Variants in ACAD10 observed in about 807,000 individuals in gnomAD.
ACAD10 encodes ACAD-10.
Under a neutral mutation model 116.8 loss-of-function variants are expected in ACAD10, and 112 were observed. That is an observed-to-expected ratio of 0.96 (90% CI 0.82 to 1.12). The LOEUF (loss-of-function observed/expected upper bound fraction) is 1.12, where lower values mean the gene tolerates loss of function less well. Among genes scored for constraint, ACAD10 ranks in the 50% most tolerant of loss-of-function variants. The pLI, the probability that ACAD10 is intolerant of heterozygous loss-of-function variation, is 0.00. For synonymous variants in ACAD10, 486 were observed against 510.6 expected (o/e 0.95, Z 0.65); for missense variants, 1,259 against 1,350.2 (o/e 0.93, Z 1.06).
intron 7 of ACAD10, among the ~76,000 whole-genome samples, chr12:111,719,711 C>T (rs772836529): frequency 2.6e-5 from 4 of 152,046 alleles, no homozygotes; most frequent in Non-Finnish European, 4.4e-5. Flanking sequence ...AGGCACCATG[C>T]CCGGCTAATT....
intron 3 of ACAD10, 43 bp downstream of exon 3, chr12:111,702,353 C>T: frequency 1.2e-6 from 2 of 1,601,392 alleles, no homozygotes; most frequent in Non-Finnish European, 1.7e-6. Flanking sequence ...TTTCTTTTTG[C>T]CTTGAGTAGT....
intron 1 of ACAD10, among the ~76,000 whole-genome samples, chr12:111,692,107 T>G (rs553539423): frequency 6.6e-6 from 1 of 152,274 alleles, no homozygotes; most frequent in Admixed American, 6.5e-5. Flanking sequence ...TAGCTGGGAT[T>G]ACAGGCATGC....
At chr12:111,747,010 G>C in intron 14 of ACAD10, 39 bp from the exon 15 acceptor site, 1 of 1,536,020 alleles carries the variant, frequency 6.5e-7, no homozygotes, top group Non-Finnish European at 8.8e-7. Context: ...TTTTAGAAGA[G>C]GACATGACAG....
In ACAD10 at chr12:111,744,948, A is replaced by C. The variant is rs372199304; in HGVS notation, c.2020A>C (p.Met674Leu). ...RELYHRLKHF[M>L]EQRVYPAEPE... Reference sequence around the variant, plus strand: ...GCTGTATCACCGGCTGAAGCACTTCATGGAGCAACGTGTGTACCCTGCAGA... The same window carrying C: ...GCTGTATCACCGGCTGAAGCACTTCCTGGAGCAACGTGTGTACCCTGCAGA... Residue 674 changes from methionine (M) to leucine (L), a missense_variant, in exon 13 of 21, where the codon ATG (methionine) becomes CTG (leucine). Transcript: ENST00000313698. 6.2e-7 allele frequency: 1 copy of C among 1,614,120 alleles called. No homozygotes were observed. The highest frequency in any genetic ancestry group is 8.5e-7 in the Non-Finnish European group (1 of 1,180,032).
At position 111,746,202 on chromosome 12, in the gene ACAD10, A is replaced by T. The variant is rs1410312785; in HGVS notation, c.2174A>T (p.Glu725Val). ...TTCCTACCCTTAGAGGCTGATCCCG[A>T]GAAAAAATACGGAGCAGGACTGACC... ...NLFLPLEADP[E>V]KKYGAGLTNV... The change falls in exon 14 of 21, where the codon GAG becomes GTG. Residue 725 changes from glutamate to valine, a missense_variant. Physicochemically the swap from Glu to Val is moderately radical, Grantham distance 121. Transcript: ENST00000313698. 1 of 1,614,066 alleles carries T rather than the reference A, an allele frequency of 6.2e-7. No homozygotes were observed. Among genetic ancestry groups the T allele is most frequent in the Non-Finnish European group, 8.5e-7 (1 of 1,180,024 alleles).
intron 3 of ACAD10, among the ~76,000 whole-genome samples, chr12:111,704,149 A>AT (rs1295260472): frequency 2.9e-3 from 420 of 144,308 alleles, no homozygotes; most frequent in South Asian, 8.4e-3. Context: ...TTTTTTTTTA[A>AT]TTTTTTTTTT....
At chr12:111,720,632 A>G (rs1234205803) in intron 7 of ACAD10, among the ~76,000 whole-genome samples, 1 of 152,142 alleles carries the variant, frequency 6.6e-6, no homozygotes, top group Non-Finnish European at 1.5e-5. Context: ...TAGTGATTGC[A>G]TAATGCTTCC....
rs1888487761 is a variant in ACAD10, at chr12:111,705,873, A to G, written c.472A>G (p.Asn158Asp). 2.5e-6 allele frequency: 4 copies of G among 1,613,948 alleles called. No individual in the cohort carries two copies. In the African/African-American group the frequency reaches 4.0e-5, roughly 16 times the overall value. Residue 158 changes from asparagine (N) to aspartate (D), a missense_variant, in exon 4 of 21, where the codon AAT becomes GAT. Transcript: ENST00000313698. ...KGLQTAVLSN[N>D]FYLPNQKSFL... is the part of the protein sequence containing the mutation. ...TCTTCAGACTGCAGTCTTGAGCAAT[A>G]ATTTTTATCTTCCCAACCAGAAAAG...
intron 12 of ACAD10, among the ~76,000 whole-genome samples, chr12:111,737,414 G>C (rs1396549492): frequency 1.3e-5 from 2 of 151,934 alleles, no homozygotes; most frequent in Non-Finnish European, 2.9e-5. Flanking sequence ...CTCGAACTCC[G>C]GGCCTCAAGT....
At position 111,737,316 on chromosome 12, in the gene ACAD10, G is replaced by A. The variant is rs1889596730; in HGVS notation, c.1714+312G>A. 2.0e-5 allele frequency among the ~76,000 whole-genome samples: 3 copies of A among 152,212 alleles called. No individual in the cohort carries two copies. In the South Asian group the frequency reaches 6.2e-4, roughly 32 times the overall value. The stretch of plus-strand genomic sequence containing the variant: ...TCCTGCCTCAGCCTCCAGGGTAGCT[G>A]GGACTACAGGCCTGCGCCACCACGC... On this transcript the variant is annotated intron_variant, in intron 12 of 20. Coordinates refer to ENST00000313698, the MANE Select transcript of ACAD10 (RefSeq NM_025247.6).
At chr12:111,706,691 TCCAC>T (rs1888515028) in intron 4 of ACAD10, among the ~76,000 whole-genome samples, 1 of 151,058 alleles carries the variant, frequency 6.6e-6, no homozygotes, top group South Asian at 2.1e-4. Flanking sequence ...CCTCAAGTGA[TCCAC>T]CCACCTCAGC....
At chr12:111,753,517 C>T (rs1414168666) in intron 18 of ACAD10, 2 of 687,136 alleles carry the variant, frequency 2.9e-6, no homozygotes, top group Admixed American at 2.0e-5. Flanking sequence ...TTCTTGGAAG[C>T]AATTTGTTAC....
Position 111,753,820 on chromosome 12 carries a change from G to A in ACAD10, c.2866G>A (p.Val956Met), listed in dbSNP as rs751659068. The change falls in exon 19 of 21, where the codon GTG becomes ATG. Residue 956 changes from valine (V) to methionine (M), a missense_variant. By Grantham distance (21) the Val-to-Met change is conservative (BLOSUM62 1). Coordinates refer to ENST00000313698, the MANE Select transcript of ACAD10 (RefSeq NM_025247.6). The part of the protein sequence containing the change: ...FGKPLVEQGT[V>M]LADIAQSRVE... ...GAAGCCCCTGGTGGAGCAGGGCACA[G>A]TGCTGGCGGACATCGCGCAGTCGCG... 5 of 1,613,932 alleles carry A rather than the reference G, an allele frequency of 3.1e-6. No homozygotes were observed. The highest frequency in any genetic ancestry group is 4.2e-6 in the Non-Finnish European group (5 of 1,180,056).
At chr12:111,738,591 G>A (rs1480805746) in intron 12 of ACAD10, among the ~76,000 whole-genome samples, 1 of 152,150 alleles carries the variant, frequency 6.6e-6, no homozygotes, top group African/African-American at 2.4e-5. Context: ...TAGTAGCCGG[G>A]CATGGTGGCT....
Position 111,746,242 on chromosome 12 carries a change from A to C in ACAD10, c.2214A>C (p.Ala738=), listed in dbSNP as rs1889894595. ...YGAGLTNVEY[A]HLCELMGTSL... is the part of the protein sequence containing the mutation. ...CAGGACTGACCAATGTGGAATATGC[A>C]CATCTGTGTGAGCTCATGGGCACGT... is the stretch of plus-strand genomic sequence containing the variant. Residue 738 remains alanine (A), a synonymous_variant, in exon 14 of 21, where the codon GCA becomes GCC. Coordinates refer to ENST00000313698, the MANE Select transcript of ACAD10 (RefSeq NM_025247.6). 5.0e-6 allele frequency: 8 copies of C among 1,613,906 alleles called. No individual in the cohort carries two copies. The highest frequency in any genetic ancestry group is 6.8e-6 in the Non-Finnish European group (8 of 1,179,954).
In ACAD10 at chr12:111,747,062, C is replaced by G; in HGVS notation, c.2270C>G (p.Ser757Cys). 1.2e-6 allele frequency: 2 copies of G among 1,605,182 alleles called. No homozygotes were observed. Among genetic ancestry groups the G allele is most frequent in the Middle Eastern group, 1.7e-4 (1 of 6,012 alleles). The change falls in exon 15 of 21, where the codon TCT becomes TGT. Residue 757 changes from serine (S) to cysteine (C), a missense_variant. By Grantham distance (112) the Ser-to-Cys change is moderately radical (BLOSUM62 -1). Coordinates refer to ENST00000313698, the MANE Select transcript of ACAD10 (RefSeq NM_025247.6). ...TTTCCTTCTCAGGTATGTAACTGCTCTGCGCCTGACACGGGCAACATGGAG... is the reference window on the plus strand; with the variant it reads ...TTTCCTTCTCAGGTATGTAACTGCTGTGCGCCTGACACGGGCAACATGGAG... ...SLYAPEVCNC[S>C]APDTGNMELL...
intron 20 of ACAD10, chr12:111,756,123 C>G: frequency 7.0e-7 from 1 of 1,420,548 alleles, no homozygotes; most frequent in Non-Finnish European, 9.2e-7. Flanking sequence ...AAGGCACCTG[C>G]AGAGTGGGCC....
At chr12:111,755,482 GC>G (rs10714279) in intron 19 of ACAD10, among the ~76,000 whole-genome samples, 185 bp from the exon 20 acceptor site, 2,375 of 152,090 alleles carry the variant, frequency 0.016, 71 homozygotes, top group African/African-American at 0.054. Context: ...GCTTACCACA[GC>G]CCCCAACTTC....
chr12:111,732,414 G>T (rs1376191973), intron 10 of ACAD10, among the ~76,000 whole-genome samples: 1 of 152,092 alleles, frequency 6.6e-6, no homozygotes, highest in Non-Finnish European at 1.5e-5. Flanking sequence ...ACTATATGTG[G>T]TATATAGGTA....
Sources: gnomAD v4.1 joint callset for allele counts (sites outside exome capture counted in the v4.1 genomes callset) on GRCh38, gnomAD v4.1.1 for gene constraint, MANE v1.5 for transcripts, NCBI Gene and HGNC (gene_info 2026-07-23, HGNC 2026-07-21) for gene names.